CAPN2: variants seen among roughly 807,000 people sequenced by gnomAD.
CAPN2 encodes calpain 2, also known as calpain-2 catalytic subunit.
CAPN2 carries 92 observed loss-of-function variants against 102.3 expected under a neutral mutation model. The ratio of observed to expected loss-of-function variants is 0.90; its 90% CI spans 0.76 to 1.07. The LOEUF is 1.07. Ranked by LOEUF, CAPN2 falls within the 50% of genes least tolerant of loss-of-function variation. CAPN2 has a pLI of 0.00. For synonymous variants in CAPN2, 340 were observed against 355.4 expected (o/e 0.96, Z 0.49); for missense variants, 800 against 909.4 (o/e 0.88, Z 1.55).
In CAPN2 at chr1:223,756,999, C is replaced by T. The variant is rs777400324; in HGVS notation, c.1306-370C>T. On this transcript the variant is annotated intron_variant, in intron 10 of 20. Coordinates refer to ENST00000295006, the MANE Select transcript of CAPN2 (RefSeq NM_001748.5). The surrounding 1 kb of genome is among the most constrained non-coding windows in gnomAD (Gnocchi z 4.1). ...ACCACTGGACCTGGCTGACAGAGGC[C>T]GGCACTGCTGGCTCCTAGCCCCAGG... is the stretch of plus-strand genomic sequence containing the variant. 4.6e-5 allele frequency among the ~76,000 whole-genome samples: 7 copies of T among 152,168 alleles called. No homozygotes were observed. The highest frequency in any genetic ancestry group is 7.2e-5 in the African/African-American group (3 of 41,442).
intron 20 of CAPN2, among the ~76,000 whole-genome samples, chr1:223,773,621 G>A (rs1272859238): frequency 6.6e-6 from 1 of 152,044 alleles, no homozygotes; most frequent in East Asian, 1.9e-4. Context: ...TTGAACCCGG[G>A]AGGCGGAGGT....
chr1:223,744,902 G>T (rs1006203011), intron 3 of CAPN2, among the ~76,000 whole-genome samples: 1 of 152,046 alleles, frequency 6.6e-6, no homozygotes, highest in South Asian at 2.1e-4. Flanking sequence ...AAAATTAGCC[G>T]GGTGTGGTGG....
At chr1:223,770,550 G>A (rs371142745) in intron 18 of CAPN2, 25 bp downstream of exon 18, 95 of 1,493,630 alleles carry the variant, frequency 6.4e-5, no homozygotes, top group African/African-American at 4.3e-4. Flanking sequence ...CTGCATTTTC[G>A]TTCCTAGTTT....
At position 223,725,800 on chromosome 1, in the gene CAPN2, A is replaced by G. The variant is rs1041099756; in HGVS notation, c.307+7969A>G. ...GGCCCTTCAGTGCCAAGGAACGTGG[A>G]CTCTCTCCTATCCCAGCACATACAC... On this transcript the variant is annotated intron_variant, in intron 2 of 20. Coordinates refer to ENST00000295006, the MANE Select transcript of CAPN2 (RefSeq NM_001748.5). This position sits in a 1 kb window ranked among gnomAD's most constrained non-coding sequence, Gnocchi z 4.1. Among the ~76,000 whole-genome samples, 1 of 151,920 alleles carries G rather than the reference A, an allele frequency of 6.6e-6. No individual in the cohort carries two copies. The highest frequency in any genetic ancestry group is 1.5e-5 in the Non-Finnish European group (1 of 67,958).
At chr1:223,712,960 G>A (rs896130382) in intron 1 of CAPN2, 83 bp downstream of exon 1, 3 of 1,049,314 alleles carry the variant, frequency 2.9e-6, no homozygotes, top group Non-Finnish European at 3.7e-6. Context: ...CGCTGGGGCG[G>A]GGGGCAGCCC....
intron 1 of CAPN2, among the ~76,000 whole-genome samples, 164 bp downstream of exon 1, chr1:223,713,041 G>A (rs1191240009): frequency 6.6e-6 from 1 of 152,176 alleles, no homozygotes; most frequent in Non-Finnish European, 1.5e-5. Flanking sequence ...GCCAGAGCCC[G>A]GGACTCTGTT....
chr1:223,751,375 G>C (rs993945805), intron 7 of CAPN2, among the ~76,000 whole-genome samples: 1 of 152,124 alleles, frequency 6.6e-6, no homozygotes, highest in African/African-American at 2.4e-5. Flanking sequence ...TGATTTCCAG[G>C]GCTTACTGGT....
Position 223,761,632 on chromosome 1 carries a change from T to C in CAPN2, c.1566+15T>C, listed in dbSNP as rs764411711. The C allele has an allele frequency of 2.1e-5, 33 of 1,607,420 alleles. No individual in the cohort carries two copies. The East Asian group carries it at 6.3e-4, about 30-fold the overall frequency. On this transcript the variant is annotated intron_variant, in intron 13 of 20. Transcript: ENST00000295006. ...ATCTTGAAGAGGTATTTGTAACTCTTTGAATTTCACCCACTCTGTCCTGGA... is the reference window on the plus strand; with the variant it reads ...ATCTTGAAGAGGTATTTGTAACTCTCTGAATTTCACCCACTCTGTCCTGGA...
At chr1:223,737,721 G>GGGA (rs146144248) in intron 2 of CAPN2, among the ~76,000 whole-genome samples, 24 of 70,202 alleles carry the variant, frequency 3.4e-4, no homozygotes, top group Admixed American at 9.7e-4. Flanking sequence ...GGGTGGGGGG[G>GGGA]AGAGAATACA....
intron 2 of CAPN2, among the ~76,000 whole-genome samples, chr1:223,734,488 G>T (rs898724722): frequency 2.0e-5 from 3 of 151,930 alleles, no homozygotes; most frequent in African/African-American, 4.8e-5. Context: ...TCCTTATTCG[G>T]ACACCCCTTG....
At chr1:223,749,327 G>A in intron 6 of CAPN2, 1 of 593,856 alleles carries the variant, frequency 1.7e-6, no homozygotes, top group Non-Finnish European at 3.0e-6. Context: ...CCACCTGGTG[G>A]CCGCAGTGGC....
chr1:223,742,252 C>T (rs1660635577), intron 2 of CAPN2, among the ~76,000 whole-genome samples: 1 of 151,832 alleles, frequency 6.6e-6, no homozygotes, highest in African/African-American at 2.4e-5. Context: ...ATTAGCCAAG[C>T]ATGGTGGCAG....
chr1:223,703,611 C>A lies in CAPN2; in HGVS notation c.3+1780C>A, dbSNP rs568027385. Among the ~76,000 whole-genome samples, 12 of 152,350 alleles carry A rather than the reference C, an allele frequency of 7.9e-5. No individual in the cohort carries two copies. The South Asian group carries it at 2.5e-3, about 32-fold the overall frequency. Reference sequence around the variant, plus strand: ...CACTGCAGTCTATGGATCCTCCTACCACACCGCCTTTCCTTCCCCATCTCT... The same window carrying A: ...CACTGCAGTCTATGGATCCTCCTACAACACCGCCTTTCCTTCCCCATCTCT... On this transcript the variant is annotated intron_variant, in intron 1 of 20. Transcript: ENST00000433674.
intron 14 of CAPN2, among the ~76,000 whole-genome samples, chr1:223,762,684 CT>C (rs1661218164): frequency 6.6e-6 from 1 of 151,880 alleles, no homozygotes; most frequent in Admixed American, 6.6e-5. Flanking sequence ...TTTCTTTTTT[CT>C]TTTTTTCTTT....
chr1:223,771,742 C>G, intron 18 of CAPN2, 67 bp from the exon 19 acceptor site: 2 of 973,100 alleles, frequency 2.1e-6, no homozygotes, highest in Admixed American at 3.5e-5. Flanking sequence ...GTTTCATAGC[C>G]TGTGAGCGCA....
At chr1:223,718,370 C>T (rs939456673) in intron 2 of CAPN2, among the ~76,000 whole-genome samples, 5 of 152,240 alleles carry the variant, frequency 3.3e-5, no homozygotes, top group African/African-American at 9.6e-5. Flanking sequence ...ACAGTTGTAA[C>T]GCTCATTTAA....
At chr1:223,766,267 T>G (rs752129238) in intron 15 of CAPN2, 100 bp from the exon 16 acceptor site, 85 of 866,564 alleles carry the variant, frequency 9.8e-5, no homozygotes, top group Non-Finnish European at 1.5e-4. Flanking sequence ...GGCTTCTGTA[T>G]GTGAAGGGCA....
chr1:223,762,721 C>T (rs1661218958), intron 14 of CAPN2, among the ~76,000 whole-genome samples: 1 of 151,650 alleles, frequency 6.6e-6, no homozygotes, highest in Admixed American at 6.6e-5. Context: ...CTCTCTGTCA[C>T]CCAGGCTGGA....
In CAPN2 at chr1:223,769,967, T is replaced by G. The variant is rs28370166; in HGVS notation, c.1824+58T>G. The stretch of plus-strand genomic sequence containing the variant: ...TGGGAAACATTCTGTTCATATGCTT[T>G]AAGATGCAGCAACTCCTGCACAGAG... On this transcript the variant is annotated intron_variant, in intron 17 of 20. Transcript: ENST00000295006. 3.3e-3 allele frequency: 4,297 copies of G among 1,313,938 alleles called. 174 individuals carry two copies. The East Asian group carries it at 0.086, about 26-fold the overall frequency. The allele number at this position is 1,313,938 out of a possible 1,614,324, so 81.4% of individuals were successfully genotyped here.
Sources: allele counts gnomAD v4.1 joint callset (sites outside exome capture counted in the v4.1 genomes callset), GRCh38; gene constraint gnomAD v4.1.1; non-coding constraint Gnocchi (gnomAD v3.1); transcripts MANE v1.5; gene names NCBI Gene and HGNC (gene_info 2026-07-23, HGNC 2026-07-21).